The following UNC13C variants were observed in gnomAD, a reference collection of about 807,000 sequenced individuals.
UNC13C encodes unc-13 homolog C, also known as protein unc-13 homolog C.
A neutral mutation model predicts 245.4 loss-of-function variants in UNC13C; 174 were observed. The ratio of observed to expected loss-of-function variants is 0.71; its 90% CI spans 0.63 to 0.80. The LOEUF is 0.80. Ranked by LOEUF, UNC13C falls within the 30% of genes least tolerant of loss-of-function variation. The pLI is 0.00. For synonymous variants in UNC13C, 992 were observed against 895.1 expected, an observed-to-expected ratio of 1.11 and a Z score of -1.93; for missense variants, 2,829 against 2,602.9, an observed-to-expected ratio of 1.09 and a Z score of -1.89.
the UNC13C span, among the ~76,000 whole-genome samples, chr15:53,854,964 A>G: frequency 6.6e-6 from 1 of 152,034 alleles, no homozygotes; most frequent in East Asian, 1.9e-4. Context: ...ATCCTCTCTG[A>G]TTTCCCTGAG....
intron 19 of UNC13C, among the ~76,000 whole-genome samples, chr15:54,473,839 T>C (rs1389401355): frequency 1.3e-5 from 2 of 151,868 alleles, no homozygotes; most frequent in Non-Finnish European, 2.9e-5. Flanking sequence ...ACGAATAATA[T>C]ACATTGCATC....
chr15:54,513,037 T>C (rs1894820002), intron 24 of UNC13C, among the ~76,000 whole-genome samples: 1 of 152,200 alleles, frequency 6.6e-6, no homozygotes, highest in African/African-American at 2.4e-5. Flanking sequence ...GTTTTATTTG[T>C]ATAAAATAAG....
At chr15:54,312,992 G>C (rs900452036) in intron 13 of UNC13C, among the ~76,000 whole-genome samples, 6 of 151,646 alleles carry the variant, frequency 4.0e-5, no homozygotes, top group Non-Finnish European at 7.4e-5. Context: ...CATCCTTTTT[G>C]GTTTTCTTGG....
chr15:54,538,679 G>A (rs1596535761), intron 26 of UNC13C, among the ~76,000 whole-genome samples: 1 of 152,134 alleles, frequency 6.6e-6, no homozygotes, highest in Admixed American at 6.6e-5. Context: ...AAATGAATGA[G>A]ATCATGACCT....
intron 17 of UNC13C, among the ~76,000 whole-genome samples, chr15:54,385,067 T>C (rs1008808319): frequency 6.6e-6 from 1 of 152,032 alleles, no homozygotes; most frequent in African/African-American, 2.4e-5. Context: ...TTGGTGAGAG[T>C]ATAAATTAGT....
intron 4 of UNC13C, among the ~76,000 whole-genome samples, chr15:54,205,752 T>A (rs1031720259): frequency 6.6e-6 from 1 of 151,982 alleles, no homozygotes; most frequent in African/African-American, 2.4e-5. Context: ...TTCTTATAAG[T>A]GTTCGAAGTA....
intron 29 of UNC13C, among the ~76,000 whole-genome samples, chr15:54,561,591 G>T (rs962268922): frequency 1.1e-4 from 17 of 151,998 alleles, no homozygotes; most frequent in African/African-American, 4.1e-4. Context: ...GACTGGCCTG[G>T]ACTTAACTAG....
chr15:53,923,753 C>T, the UNC13C span, among the ~76,000 whole-genome samples: 2,608 of 152,250 alleles, frequency 0.017, 30 homozygotes, highest in Middle Eastern at 0.075. Flanking sequence ...TAAGAATCAT[C>T]TCTGTTTGTA....
intron 17 of UNC13C, among the ~76,000 whole-genome samples, chr15:54,389,490 A>G (rs563414604): frequency 1.2e-4 from 19 of 152,234 alleles, no homozygotes; most frequent in Non-Finnish European, 2.2e-4. Context: ...CACCATGCAC[A>G]TTAGCATATT....
rs902686676 is a variant in UNC13C at position 54,014,258 on chromosome 15, G to C, written c.1355G>C (p.Ser452Thr). Residue 452 changes from serine to threonine, a missense_variant, in exon 2 of 33, where the codon AGT (serine) becomes ACT (threonine). Transcript: ENST00000260323. ...AACAATTGGCAGTCACCTGATGACA[G>C]TGATGAAGATCTTGAATCTGACCTC... Reference protein sequence around the residue: ...KKNNWQSPDDSDEDLESDLNR... With the variant: ...KKNNWQSPDDTDEDLESDLNR... 40 of 1,613,906 alleles carry C rather than the reference G, an allele frequency of 2.5e-5. No individual in the cohort carries two copies. The highest frequency in any genetic ancestry group is 3.3e-5 in the Non-Finnish European group (39 of 1,179,844).
chr15:53,997,228 T>C (rs1595692740), intron 1 of UNC13C, among the ~76,000 whole-genome samples: 1 of 152,328 alleles, frequency 6.6e-6, no homozygotes, highest in South Asian at 2.1e-4. Flanking sequence ...GTGAAGTGTT[T>C]ATTCAAGTCT....
At chr15:54,167,588 G>T (rs1311262100) in intron 4 of UNC13C, among the ~76,000 whole-genome samples, 1 of 99,396 alleles carries the variant, frequency 1.0e-5, no homozygotes, top group Non-Finnish European at 2.0e-5. Context: ...GTGAAAGAAT[G>T]AGTATCCAAA....
rs140081888 is a variant in UNC13C, at chr15:54,189,099, A to C, written c.3071+45415A>C. ...GAGATTTATGCACCAAAAATAATAA[A>C]ATAGCAAGGATAACTCATTGCCTAT... On this transcript the variant is annotated intron_variant, in intron 4 of 32. Coordinates refer to ENST00000260323, the MANE Select transcript of UNC13C (RefSeq NM_001080534.3). Among the ~76,000 whole-genome samples, 689 of 152,310 alleles carry C rather than the reference A, an allele frequency of 4.5e-3. 1 individual carries two copies. Among genetic ancestry groups the C allele is most frequent in the Non-Finnish European group, 5.7e-3 (387 of 68,022 alleles).
the UNC13C span, among the ~76,000 whole-genome samples, chr15:53,888,160 A>T: frequency 1.1e-4 from 17 of 152,322 alleles, no homozygotes; most frequent in Non-Finnish European, 2.1e-4. Flanking sequence ...ACTAATTCAC[A>T]TTCCCACCAA....
chr15:54,046,529 C>A (rs886942407), intron 2 of UNC13C, among the ~76,000 whole-genome samples: 10 of 151,938 alleles, frequency 6.6e-5, no homozygotes, highest in Admixed American at 5.9e-4. Context: ...TTGTCTTATT[C>A]CAAACCACCA....
Position 54,014,051 on chromosome 15 carries a change from C to G in UNC13C, c.1148C>G (p.Thr383Ser), listed in dbSNP as rs1895517266. The G allele has an allele frequency of 6.8e-6, 11 of 1,613,616 alleles. No homozygotes were observed. Among genetic ancestry groups the G allele is most frequent in the Non-Finnish European group, 8.5e-6 (10 of 1,179,834 alleles). The change falls in exon 2 of 33, where the codon ACC becomes AGC. Residue 383 changes from threonine (T) to serine (S), a missense_variant. Coordinates refer to ENST00000260323, the MANE Select transcript of UNC13C (RefSeq NM_001080534.3). Reference sequence around the variant, plus strand: ...CGACCCATACTTGTGTACTTTGAAACCCCTCAACAAAGGGATTCTGTCTTA... The same window carrying G: ...CGACCCATACTTGTGTACTTTGAAAGCCCTCAACAAAGGGATTCTGTCTTA... Reference protein sequence around the residue: ...KPRPILVYFETPQQRDSVLKK... With the variant: ...KPRPILVYFESPQQRDSVLKK...
intron 4 of UNC13C, among the ~76,000 whole-genome samples, chr15:54,184,322 T>G (rs968629784): frequency 6.6e-6 from 1 of 152,246 alleles, no homozygotes; most frequent in East Asian, 1.9e-4. Flanking sequence ...ACGTGCGGGT[T>G]TTGTTACATA....
rs185690737 is a variant in UNC13C, at chr15:54,479,512, T to A, written c.4934-15096T>A. ...TAGGCAGCATACAGTCAGATTTTTT[T>A]AAATCCATTTAACCTGTTTACATCT... On this transcript the variant is annotated intron_variant, in intron 19 of 32. Transcript: ENST00000260323. Among the ~76,000 whole-genome samples, 4 of 152,266 alleles carry A rather than the reference T, an allele frequency of 2.6e-5. No individual in the cohort carries two copies. The East Asian group carries it at 7.7e-4, about 29-fold the overall frequency.
At chr15:54,408,199 CAAA>C (rs71105808) in intron 18 of UNC13C, among the ~76,000 whole-genome samples, 73 of 29,110 alleles carry the variant, frequency 2.5e-3, no homozygotes, top group African/African-American at 6.0e-3. Flanking sequence ...GACTCTGCCT[CAAA>C]AAAAAAAAAA....
Sources: allele counts gnomAD v4.1 joint callset (sites outside exome capture counted in the v4.1 genomes callset), GRCh38; gene constraint gnomAD v4.1.1; transcripts MANE v1.5; gene names NCBI Gene and HGNC (gene_info 2026-07-23, HGNC 2026-07-21).